The following ANK2 variants were observed in gnomAD, a reference collection of about 807,000 sequenced individuals.
ANK2 encodes ankyrin 2, also known as ankyrin-2.
ANK2 carries 83 observed loss-of-function variants against 360.5 expected under a neutral mutation model. That is an observed-to-expected ratio of 0.23 (90% CI 0.19 to 0.28). The LOEUF (loss-of-function observed/expected upper bound fraction) is 0.28. Among genes scored for constraint, ANK2 ranks in the 10% least tolerant of loss-of-function variants. The probability of loss-of-function intolerance (pLI) is 1.00; values close to 1 mark genes in which losing one functional copy is unlikely to be tolerated. For missense variants in ANK2, 4,201 were observed against 4,795.7 expected (o/e 0.88, Z 3.66); for synonymous variants, 1,740 against 1,759.5 (o/e 0.99, Z 0.28).
intron 17 of ANK2, among the ~76,000 whole-genome samples, chr4:113,279,830 A>G (rs1357427103): frequency 2.0e-5 from 3 of 151,856 alleles, no homozygotes; most frequent in African/African-American, 7.2e-5. Flanking sequence ...GAGGGTGCCA[A>G]ATGTTCATAA....
chr4:112,852,720 TG>T (rs1253806346), intron 1 of ANK2, among the ~76,000 whole-genome samples: 13 of 152,220 alleles, frequency 8.5e-5, no homozygotes, highest in African/African-American at 2.9e-4. Flanking sequence ...CATTCCTTGT[TG>T]GATAATAATA....
intron 1 of ANK2, among the ~76,000 whole-genome samples, chr4:113,120,922 TG>T (rs2095314171): frequency 6.6e-6 from 1 of 152,206 alleles, no homozygotes; most frequent in Non-Finnish European, 1.5e-5. Flanking sequence ...TAAATCAATA[TG>T]TTCACCATTT....
intron 4 of ANK2, among the ~76,000 whole-genome samples, chr4:113,226,306 A>C (rs1214220956): frequency 6.6e-6 from 1 of 152,212 alleles, no homozygotes; most frequent in Non-Finnish European, 1.5e-5. Context: ...TCAGCACGGC[A>C]GACAGGGACT....
chr4:113,359,835 A>G (rs938411107), intron 38 of ANK2, among the ~76,000 whole-genome samples: 2 of 152,214 alleles, frequency 1.3e-5, no homozygotes, highest in African/African-American at 4.8e-5. Flanking sequence ...TGGATTTCAG[A>G]TACCATTGGT....
chr4:112,906,431 C>T (rs530671580), intron 2 of ANK2, among the ~76,000 whole-genome samples: 2 of 152,064 alleles, frequency 1.3e-5, no homozygotes, highest in Non-Finnish European at 2.9e-5. Flanking sequence ...GAGAATCCAG[C>T]GTCTGGATAG....
At position 113,354,541 on chromosome 4, in the gene ANK2, G is replaced by A. The variant is rs765506339; in HGVS notation, c.5923G>A (p.Val1975Ile). The stretch of plus-strand genomic sequence containing the variant: ...TGGCAAAACAGAAAAGCAACCACCT[G>A]TATCCCCCACTTCAAAAACAGAGAG... ...PSGKTEKQPP[V>I]SPTSKTERIE... The change falls in exon 38 of 46, where the codon GTA (valine) becomes ATA (isoleucine). Residue 1975 changes from valine (V) to isoleucine (I), a missense_variant. This residue lies in a region of ANK2 where 2,642 missense variants were observed against 2,714.5 expected (regional missense o/e 0.97). Coordinates refer to ENST00000357077, the MANE Select transcript of ANK2 (RefSeq NM_001148.6). The A allele has an allele frequency of 2.2e-5, 36 of 1,614,110 alleles. No homozygotes were observed. Among genetic ancestry groups the A allele is most frequent in the Non-Finnish European group, 3.1e-5 (36 of 1,179,986 alleles).
At chr4:112,839,171 C>T (rs149814932) in intron 1 of ANK2, among the ~76,000 whole-genome samples, 78 of 152,306 alleles carry the variant, frequency 5.1e-4, no homozygotes, top group Admixed American at 9.8e-4. Context: ...AGCATTACCT[C>T]ATTTCTTTTT....
intron 33 of ANK2, 129 bp from the exon 34 acceptor site, chr4:113,342,888 T>C: frequency 8.5e-7 from 1 of 1,175,848 alleles, no homozygotes; most frequent in East Asian, 2.4e-5. Flanking sequence ...GAATGTCAGT[T>C]GTCAATTTAA....
At chr4:113,199,723 A>G (rs1367417399) in intron 4 of ANK2, among the ~76,000 whole-genome samples, 1 of 152,176 alleles carries the variant, frequency 6.6e-6, no homozygotes, top group Non-Finnish European at 1.5e-5. Context: ...TATCTATTAT[A>G]TCATGTACGC....
chr4:112,810,148 TATATATA>T, the ANK2 span, among the ~76,000 whole-genome samples: 11 of 19,644 alleles, frequency 5.6e-4, 1 homozygote, highest in South Asian at 4.6e-3. Context: ...TATATATATA[TATATATA>T]TATATTTTTT....
chr4:113,047,806 A>C (rs956456371), upstream of ANK2, among the ~76,000 whole-genome samples: 4 of 151,988 alleles, frequency 2.6e-5, no homozygotes, highest in African/African-American at 9.7e-5. Context: ...GGAGGGAGTG[A>C]GGGGCAGCAA....
chr4:113,251,305 C>T (rs1339557390), intron 10 of ANK2, among the ~76,000 whole-genome samples: 1 of 151,838 alleles, frequency 6.6e-6, no homozygotes, highest in African/African-American at 2.4e-5. Flanking sequence ...AATGTCCTTC[C>T]TGTAAAATCA....
intron 30 of ANK2, chr4:113,336,292 T>TAA (rs11355670): frequency 2.1e-4 from 107 of 503,996 alleles, no homozygotes; most frequent in Admixed American, 1.1e-3. Flanking sequence ...TTTCTTCTTG[T>TAA]AAAAAAAAAA....
At chr4:112,841,994 A>G (rs546720298) in intron 1 of ANK2, among the ~76,000 whole-genome samples, 46 of 152,226 alleles carry the variant, frequency 3.0e-4, no homozygotes, top group African/African-American at 1.1e-3. Context: ...TCTTCACCCA[A>G]AATTATTTTC....
Position 113,150,180 on chromosome 4 carries a change from A to G in ANK2, c.85-24236A>G, listed in dbSNP as rs78417405. Among the ~76,000 whole-genome samples, 13 of 152,256 alleles carry G rather than the reference A, an allele frequency of 8.5e-5. No homozygotes were observed. The East Asian group carries it at 2.3e-3, about 27-fold the overall frequency. On this transcript the variant is annotated intron_variant, in intron 1 of 45. Coordinates refer to ENST00000357077, the MANE Select transcript of ANK2 (RefSeq NM_001148.6). ...TGTTTACAGTTTGAATTGCTTTCAC[A>G]CAGGCTAATTAAGCAGCTGTTACTA... is the stretch of plus-strand genomic sequence containing the variant.
chr4:113,313,913 T>G (rs1415510816), intron 24 of ANK2, among the ~76,000 whole-genome samples: 1 of 152,214 alleles, frequency 6.6e-6, no homozygotes, highest in Non-Finnish European at 1.5e-5. Flanking sequence ...AAGAGGTGAA[T>G]ATATTATTAA....
At chr4:113,183,022 G>T (rs1482410977) in intron 2 of ANK2, among the ~76,000 whole-genome samples, 2 of 152,170 alleles carry the variant, frequency 1.3e-5, no homozygotes, top group Non-Finnish European at 2.9e-5. Context: ...TGGGGATGGA[G>T]CTTGGTGCAC....
chr4:113,235,274 G>A (rs78900140), intron 5 of ANK2, among the ~76,000 whole-genome samples: 2,426 of 152,018 alleles, frequency 0.016, 40 homozygotes, highest in Middle Eastern at 0.075. Context: ...CTAAATTCAG[G>A]CTACTATTTT....
the ANK2 span, among the ~76,000 whole-genome samples, chr4:112,769,676 T>C: frequency 1.3e-5 from 2 of 152,186 alleles, no homozygotes; most frequent in Non-Finnish European, 2.9e-5. Context: ...ACATCGTTTC[T>C]GAGTTTGTGA....
Sources: allele counts gnomAD v4.1 joint callset (sites outside exome capture counted in the v4.1 genomes callset), GRCh38; gene constraint gnomAD v4.1.1; regional missense constraint gnomAD v4.1.1; transcripts MANE v1.5; gene names NCBI Gene and HGNC (gene_info 2026-07-23, HGNC 2026-07-21).